Variants in PARD3B observed in about 807,000 individuals in gnomAD.
PARD3B encodes partitioning defective 3 homolog B.
PARD3B carries 103 observed loss-of-function variants against 130.2 expected under a neutral mutation model. The ratio of observed to expected loss-of-function variants is 0.79; its 90% confidence interval spans 0.67 to 0.93. PARD3B has a LOEUF of 0.93. Among genes scored for constraint, PARD3B ranks in the 40% least tolerant of loss-of-function variants. PARD3B has a pLI of 0.00. For missense variants in PARD3B, 1,609 were observed against 1,499.2 expected (o/e 1.07, Z -1.21); for synonymous variants, 583 against 553.2 (o/e 1.05, Z -0.76).
At chr2:205,339,355 G>A (rs13025702) in intron 18 of PARD3B, among the ~76,000 whole-genome samples, 46 of 151,550 alleles carry the variant, frequency 3.0e-4, no homozygotes, top group African/African-American at 1.1e-3. Flanking sequence ...AAGTTTAGTA[G>A]CTCAAATAGA....
At chr2:205,243,964 G>C (rs185644193) in intron 15 of PARD3B, among the ~76,000 whole-genome samples, 15 of 152,264 alleles carry the variant, frequency 9.9e-5, no homozygotes, top group African/African-American at 3.1e-4. Flanking sequence ...TCTACTTACA[G>C]TGTAGATTGA....
At chr2:204,910,841 A>G (rs1395485101) in intron 2 of PARD3B, among the ~76,000 whole-genome samples, 1 of 152,004 alleles carries the variant, frequency 6.6e-6, no homozygotes, top group Non-Finnish European at 1.5e-5. Context: ...ACTGGGTTTC[A>G]CTTTGTTAGC....
At chr2:205,431,475 A>G (rs958645995) in intron 19 of PARD3B, among the ~76,000 whole-genome samples, 4 of 147,594 alleles carry the variant, frequency 2.7e-5, no homozygotes, top group South Asian at 4.2e-4. Flanking sequence ...CATTATATCA[A>G]TTTTTTTTTT....
intron 19 of PARD3B, among the ~76,000 whole-genome samples, chr2:205,425,547 G>A (rs1174058762): frequency 4.2e-5 from 2 of 47,562 alleles, no homozygotes; most frequent in African/African-American, 1.2e-4. Context: ...AATAGACTCG[G>A]TGTAAAAAAA....
rs75807518 is a variant in PARD3B at position 205,278,236 on chromosome 2, G to A, written c.2186-22294G>A. On this transcript the variant is annotated intron_variant, in intron 16 of 22. Transcript: ENST00000406610. ...GGGTACAGAGAGCAAGGAGAAAGTC[G>A]ACTTCCTGGATGACACCTCTGGGTT... is the stretch of plus-strand genomic sequence containing the variant. Among the ~76,000 whole-genome samples, 903 of 152,226 alleles carry A rather than the reference G, an allele frequency of 5.9e-3. 5 individuals are homozygous for A. Among genetic ancestry groups the A allele is most frequent in the African/African-American group, 0.02 (843 of 41,534 alleles).
intron 2 of PARD3B, among the ~76,000 whole-genome samples, chr2:204,883,661 G>A (rs546999068): frequency 1.3e-5 from 2 of 151,268 alleles, no homozygotes; most frequent in South Asian, 4.2e-4. Context: ...GGCCAGGCTG[G>A]TCTCGAACTC....
At position 205,185,847 on chromosome 2, in the gene PARD3B, G is replaced by C; in HGVS notation, c.2008G>C (p.Glu670Gln). Residue 670 changes from glutamate (E) to glutamine (Q), a missense_variant, in exon 14 of 23, where the codon GAA (glutamate) becomes CAA (glutamine). Physicochemically the swap from Glu to Gln is conservative, Grantham distance 29. Coordinates refer to ENST00000406610, the MANE Select transcript of PARD3B (RefSeq NM_001302769.2). ...ACATTCTGCTCTGGGATTGGGCCTC[G>C]AAGATTACAGCCACAGGTATTGATA... ...TPHSALGLGL[E>Q]DYSHSSGVDS... The C allele has an allele frequency of 6.2e-7, 1 of 1,613,004 alleles. No individual in the cohort carries two copies. Among genetic ancestry groups the C allele is most frequent in the Non-Finnish European group, 8.5e-7 (1 of 1,178,984 alleles).
At chr2:204,901,079 C>T (rs550586690) in intron 2 of PARD3B, among the ~76,000 whole-genome samples, 90 of 152,154 alleles carry the variant, frequency 5.9e-4, no homozygotes, top group African/African-American at 2.1e-3. Flanking sequence ...TGGGTCTTGC[C>T]CAAGACCTGT....
At chr2:204,648,611 TA>T (rs1176343705) in intron 1 of PARD3B, among the ~76,000 whole-genome samples, 7 of 126,114 alleles carry the variant, frequency 5.6e-5, no homozygotes, top group Admixed American at 9.9e-5. Flanking sequence ...TATTTATATT[TA>T]TATATACTAT....
chr2:205,001,745 G>T (rs1694847192), intron 3 of PARD3B, among the ~76,000 whole-genome samples: 1 of 152,212 alleles, frequency 6.6e-6, no homozygotes, highest in Non-Finnish European at 1.5e-5. Flanking sequence ...AAAACTCCTT[G>T]TAGGGCAAAC....
intron 18 of PARD3B, among the ~76,000 whole-genome samples, chr2:205,308,855 A>T (rs1386924521): frequency 6.6e-6 from 1 of 152,172 alleles, no homozygotes; most frequent in Non-Finnish European, 1.5e-5. Flanking sequence ...ATAAACAACT[A>T]ATCCAAAATA....
rs539633222 is a variant in PARD3B at position 204,984,426 on chromosome 2, A to G, written c.394+19103A>G. Among the ~76,000 whole-genome samples the G allele has an allele frequency of 6.6e-4, 101 of 152,282 alleles. 1 individual carries two copies. In the South Asian group the frequency reaches 0.014, roughly 21 times the overall value. On this transcript the variant is annotated intron_variant, in intron 3 of 22. Transcript: ENST00000406610. ...TAAAATGGGGTAACACACAAGGGAA[A>G]ATTTGGCAAAATGATTTCATGGAGT...
chr2:205,479,756 T>C lies in PARD3B; in HGVS notation c.3045-20140T>C, dbSNP rs139153975. Among the ~76,000 whole-genome samples, 635 of 152,292 alleles carry C rather than the reference T, an allele frequency of 4.2e-3. 3 individuals carry two copies. Among genetic ancestry groups the C allele is most frequent in the African/African-American group, 0.014 (593 of 41,564 alleles). Reference sequence around the variant, plus strand: ...TACTTCCTGGCTTAAAATCTCCTAATGTCCACTCATTTTACTCAGAGTCAA... The same window carrying C: ...TACTTCCTGGCTTAAAATCTCCTAACGTCCACTCATTTTACTCAGAGTCAA... On this transcript the variant is annotated intron_variant, in intron 20 of 22. Transcript: ENST00000406610.
chr2:204,867,912 C>T (rs538776243), intron 2 of PARD3B, among the ~76,000 whole-genome samples: 14 of 152,306 alleles, frequency 9.2e-5, no homozygotes, highest in Non-Finnish European at 1.8e-4. Context: ...GACTAACCTA[C>T]ACCTTCTACT....
At chr2:205,213,301 A>G (rs1436350349) in intron 15 of PARD3B, among the ~76,000 whole-genome samples, 1 of 152,132 alleles carries the variant, frequency 6.6e-6, no homozygotes, top group Non-Finnish European at 1.5e-5. Flanking sequence ...GAAAATTGAG[A>G]TACTATATCT....
chr2:204,578,439 G>A (rs1270790292), intron 1 of PARD3B, among the ~76,000 whole-genome samples: 2 of 152,154 alleles, frequency 1.3e-5, no homozygotes, highest in African/African-American at 4.8e-5. Context: ...TCGGTGTGGT[G>A]AATACTTCTT....
chr2:204,745,768 G>A (rs1478672923), intron 2 of PARD3B, among the ~76,000 whole-genome samples: 1 of 151,808 alleles, frequency 6.6e-6, no homozygotes, highest in African/African-American at 2.4e-5. Context: ...AGATTGTATC[G>A]CTATTAATAG....
chr2:204,883,405 T>TTATATATATATAATATATATATATAAAA (rs1553547280), intron 2 of PARD3B, among the ~76,000 whole-genome samples: 4 of 101,320 alleles, frequency 3.9e-5, no homozygotes, highest in African/African-American at 1.4e-4. Flanking sequence ...TATATATATA[T>TTATATATATATAATATATATATATAAAA]TATATATATA....
chr2:205,517,278 A>G (rs1254884109), intron 21 of PARD3B, among the ~76,000 whole-genome samples: 1 of 152,050 alleles, frequency 6.6e-6, no homozygotes, highest in Non-Finnish European at 1.5e-5. Context: ...CCAGCCTCAT[A>G]GAATGAGGTG....
Sources: allele counts gnomAD v4.1 joint callset (sites outside exome capture counted in the v4.1 genomes callset), GRCh38; gene constraint gnomAD v4.1.1; transcripts MANE v1.5; gene names NCBI Gene and HGNC (gene_info 2026-07-23, HGNC 2026-07-21).